The following KCNIP4 variants were observed in gnomAD, a reference collection of about 807,000 sequenced individuals.
KCNIP4 encodes the protein potassium voltage-gated channel interacting protein 4.
In KCNIP4, 12 loss-of-function variants were observed where a neutral mutation model predicts 34.0. The ratio of observed to expected loss-of-function variants is 0.35; its 90% confidence interval spans 0.23 to 0.57. KCNIP4 has a LOEUF of 0.57. KCNIP4 is among the 20% of genes least tolerant of loss of function. The pLI, the probability that KCNIP4 is intolerant of heterozygous loss-of-function variation, is 0.83. For synonymous variants in KCNIP4, 124 were observed against 102.2 expected, an observed-to-expected ratio of 1.21 and a Z score of -1.29; for missense variants, 238 against 311.7, an observed-to-expected ratio of 0.76 and a Z score of 1.78.
Position 20,758,908 on chromosome 4 carries a change from G to C in KCNIP4, c.289-18C>G. On this transcript the variant is annotated intron_variant, in intron 3 of 8. Coordinates refer to ENST00000382152, the MANE Select transcript of KCNIP4 (RefSeq NM_025221.6). ...GGGCATTCCTAGGGAAAGTGGCAGA[G>C]AAGCAATATGAGCAAAGTGTTCATA... 4.4e-6 allele frequency: 7 copies of C among 1,604,034 alleles called. No individual in the cohort carries two copies. Among genetic ancestry groups the C allele is most frequent in the Non-Finnish European group, 6.0e-6 (7 of 1,171,734 alleles).
intron 1 of KCNIP4, among the ~76,000 whole-genome samples, chr4:21,042,118 G>C (rs945046154): frequency 6.6e-6 from 1 of 152,146 alleles, no homozygotes; most frequent in African/African-American, 2.4e-5. Context: ...CTGTGAGATG[G>C]GAGCCGCCTT....
intron 1 of KCNIP4, among the ~76,000 whole-genome samples, chr4:21,569,721 C>T (rs1245027148): frequency 6.6e-6 from 1 of 152,014 alleles, no homozygotes; most frequent in Non-Finnish European, 1.5e-5. Context: ...AAGACTGAAG[C>T]TTCTGGGGAT....
chr4:21,118,924 A>G (rs933141252), intron 1 of KCNIP4, among the ~76,000 whole-genome samples: 3 of 152,190 alleles, frequency 2.0e-5, no homozygotes, highest in Non-Finnish European at 4.4e-5. Context: ...CTCAACCTCT[A>G]AAGAGGAATG....
rs962328524 is a variant in KCNIP4, at chr4:21,199,462, A to C, written c.62-316753T>G. ...TGTTTAAGTTCTTTGTAGATTCTGG[A>C]TATTAGCCCTTTGTCAGATCAGTAG... On this transcript the variant is annotated intron_variant, in intron 1 of 8. Transcript: ENST00000382152. Among the ~76,000 whole-genome samples the C allele has an allele frequency of 3.9e-5, 6 of 152,210 alleles. No homozygotes were observed. The South Asian group carries it at 6.2e-4, about 16-fold the overall frequency.
At chr4:21,489,973 C>T (rs1732242778) in intron 1 of KCNIP4, among the ~76,000 whole-genome samples, 1 of 152,108 alleles carries the variant, frequency 6.6e-6, no homozygotes, top group Non-Finnish European at 1.5e-5. Flanking sequence ...CAATTTATTT[C>T]TGAGCAGTTA....
At chr4:21,170,357 A>C (rs1187948846) in intron 1 of KCNIP4, among the ~76,000 whole-genome samples, 1 of 152,200 alleles carries the variant, frequency 6.6e-6, no homozygotes, top group Non-Finnish European at 1.5e-5. Flanking sequence ...GAAGTCTTTG[A>C]AGAAATGTTG....
chr4:21,222,755 T>C (rs1758071197), intron 1 of KCNIP4, among the ~76,000 whole-genome samples: 1 of 152,222 alleles, frequency 6.6e-6, no homozygotes, highest in Non-Finnish European at 1.5e-5. Context: ...TGTTTTTGCT[T>C]TGTAGAACTT....
At chr4:21,767,236 C>G (rs1003005847) in intron 1 of KCNIP4, among the ~76,000 whole-genome samples, 8 of 152,064 alleles carry the variant, frequency 5.3e-5, no homozygotes, top group African/African-American at 1.9e-4. Context: ...GAGGAGGAGA[C>G]AGTCAGATCA....
intron 1 of KCNIP4, among the ~76,000 whole-genome samples, chr4:21,364,177 A>G (rs942119292): frequency 2.0e-5 from 3 of 152,184 alleles, no homozygotes; most frequent in Admixed American, 1.3e-4. Flanking sequence ...GCCTCCAAAC[A>G]TAATAGGCTT....
At chr4:21,258,762 C>T (rs1270721209) in intron 1 of KCNIP4, among the ~76,000 whole-genome samples, 1 of 152,000 alleles carries the variant, frequency 6.6e-6, no homozygotes. Context: ...AAATCGCTTC[C>T]CTACCCCTAC....
At chr4:21,657,999 C>G (rs1445493250) in intron 1 of KCNIP4, among the ~76,000 whole-genome samples, 1 of 151,926 alleles carries the variant, frequency 6.6e-6, no homozygotes, top group Non-Finnish European at 1.5e-5. Flanking sequence ...GTCACCACAC[C>G]CAGCTAATTT....
chr4:20,891,492 C>A (rs1257134290), intron 1 of KCNIP4, among the ~76,000 whole-genome samples: 1 of 152,136 alleles, frequency 6.6e-6, no homozygotes, highest in Non-Finnish European at 1.5e-5. Flanking sequence ...GTAGTCCCAG[C>A]TACTCAGCAG....
intron 1 of KCNIP4, among the ~76,000 whole-genome samples, chr4:21,190,701 G>T (rs1755575522): frequency 6.6e-6 from 1 of 151,954 alleles, no homozygotes; most frequent in Admixed American, 6.6e-5. Context: ...TACTTTATTT[G>T]CCATCTCTTA....
intron 3 of KCNIP4, among the ~76,000 whole-genome samples, chr4:20,818,304 G>T (rs1411558718): frequency 6.6e-6 from 1 of 152,150 alleles, no homozygotes; most frequent in Admixed American, 6.5e-5. Context: ...CAGAGTATTG[G>T]GGTGGTGGTG....
intron 1 of KCNIP4, among the ~76,000 whole-genome samples, chr4:21,530,229 CA>C (rs1189686693): frequency 6.6e-6 from 1 of 151,580 alleles, no homozygotes; most frequent in East Asian, 1.9e-4. Flanking sequence ...TTTTTGGTGG[CA>C]AAAAAAATCT....
intron 1 of KCNIP4, among the ~76,000 whole-genome samples, chr4:21,153,673 G>A (rs1487623264): frequency 6.6e-6 from 1 of 151,756 alleles, no homozygotes; most frequent in East Asian, 1.9e-4. Context: ...TGCTTATCTT[G>A]AATCTGGCTT....
chr4:21,224,964 G>C (rs1206771554), intron 1 of KCNIP4, among the ~76,000 whole-genome samples: 1 of 152,040 alleles, frequency 6.6e-6, no homozygotes. Flanking sequence ...ATTACATGAA[G>C]TATTCAACAC....
chr4:21,096,925 T>C (rs1025599031), intron 1 of KCNIP4, among the ~76,000 whole-genome samples: 1 of 152,148 alleles, frequency 6.6e-6, no homozygotes, highest in Non-Finnish European at 1.5e-5. Flanking sequence ...TCCCCAAATA[T>C]ACAATTAATT....
intron 1 of KCNIP4, among the ~76,000 whole-genome samples, chr4:21,706,641 G>A (rs1713291007): frequency 6.6e-6 from 1 of 152,168 alleles, no homozygotes; most frequent in Non-Finnish European, 1.5e-5. Flanking sequence ...ATTAAGGGAA[G>A]AAAGTTGGCT....
Sources: gnomAD v4.1 joint callset for allele counts (sites outside exome capture counted in the v4.1 genomes callset) on GRCh38, gnomAD v4.1.1 for gene constraint, MANE v1.5 for transcripts, NCBI Gene and HGNC (gene_info 2026-07-23, HGNC 2026-07-21) for gene names.